The following ALOX5 variants were observed in gnomAD, a reference collection of about 807,000 sequenced individuals.
ALOX5 encodes polyunsaturated fatty acid 5-lipoxygenase.
ALOX5 carries 64 observed loss-of-function variants against 87.9 expected under a neutral mutation model. The observed-to-expected ratio is 0.73, with a 90% CI of 0.60 to 0.90. The LOEUF (loss-of-function observed/expected upper bound fraction) is 0.90, where lower values mean the gene tolerates loss of function less well. ALOX5 is among the 40% of genes least tolerant of loss of function. The pLI is 0.00. For synonymous variants in ALOX5, 388 were observed against 355.1 expected, an observed-to-expected ratio of 1.09 and a Z score of -1.04; for missense variants, 822 against 907.5, an observed-to-expected ratio of 0.91 and a Z score of 1.21.
At chr10:45,383,970 T>G (rs1839928583) in intron 2 of ALOX5, among the ~76,000 whole-genome samples, 2 of 152,146 alleles carry the variant, frequency 1.3e-5, no homozygotes, top group Non-Finnish European at 2.9e-5. Context: ...TATGAAGCCC[T>G]TCTTCCTGCA....
intron 2 of ALOX5, among the ~76,000 whole-genome samples, chr10:45,391,672 C>T (rs1340514449): frequency 1.3e-4 from 19 of 151,670 alleles, no homozygotes; most frequent in South Asian, 4.2e-4. Context: ...GGCCGCCCAT[C>T]GTCTGGGATG....
At chr10:45,381,314 G>A (rs146827800) in intron 1 of ALOX5, among the ~76,000 whole-genome samples, 3 of 152,384 alleles carry the variant, frequency 2.0e-5, no homozygotes, top group African/African-American at 7.2e-5. Context: ...GCTGTGAACT[G>A]CAAATGTCCC....
intron 7 of ALOX5, among the ~76,000 whole-genome samples, chr10:45,438,845 C>T (rs918866746): frequency 2.0e-5 from 3 of 152,218 alleles, no homozygotes; most frequent in African/African-American, 7.2e-5. Flanking sequence ...AACAGACAGG[C>T]ACGCCTAATG....
At chr10:45,390,252 A>T (rs551521889) in intron 2 of ALOX5, among the ~76,000 whole-genome samples, 1 of 152,368 alleles carries the variant, frequency 6.6e-6, no homozygotes, top group South Asian at 2.1e-4. Context: ...AGAGACTTTA[A>T]CACCCCACTG....
intron 6 of ALOX5, among the ~76,000 whole-genome samples, chr10:45,426,954 C>T (rs1158554020): frequency 6.6e-6 from 1 of 152,198 alleles, no homozygotes; most frequent in Non-Finnish European, 1.5e-5. Flanking sequence ...CTTAGGCCAT[C>T]CTCGGGCCTC....
At chr10:45,439,636 G>A (rs1432409544) in intron 7 of ALOX5, among the ~76,000 whole-genome samples, 6 of 152,340 alleles carry the variant, frequency 3.9e-5, no homozygotes, top group Admixed American at 1.3e-4. Context: ...GTGGGGGCAC[G>A]AAAGTGAGGC....
chr10:45,387,990 C>T (rs1840064080), intron 2 of ALOX5, among the ~76,000 whole-genome samples: 1 of 152,192 alleles, frequency 6.6e-6, no homozygotes, highest in South Asian at 2.1e-4. Context: ...GTGTGAGCAT[C>T]ACCTCACCTG....
chr10:45,405,427 A>G (rs1840843316), intron 3 of ALOX5, among the ~76,000 whole-genome samples: 1 of 152,188 alleles, frequency 6.6e-6, no homozygotes. Context: ...GCATCACTGC[A>G]TTGCCTATTT....
rs1161695683 is a variant in ALOX5, at chr10:45,395,935, C to T, written c.430C>T (p.Arg144Ter). 8.1e-6 allele frequency: 13 copies of T among 1,614,110 alleles called. No homozygotes were observed. The East Asian group carries it at 1.1e-4, about 14-fold the overall frequency. The change falls in exon 3 of 14, where the codon CGA (arginine) becomes TGA (stop). Residue 144 changes from arginine (R) to a stop codon, truncating the protein, a stop_gained and splice_region_variant. Coordinates refer to ENST00000374391, the MANE Select transcript of ALOX5 (RefSeq NM_000698.5). LOFTEE classifies it high-confidence loss of function. Reference protein sequence around the residue: ...KELETRQKQYRWMEWNPGFPL... With the variant: ...KELETRQKQY ...ACTGGAAACACGGCAAAAACAATATCGGTGAGTTATGACATCAGATCGAGT... is the reference window on the plus strand; with the variant it reads ...ACTGGAAACACGGCAAAAACAATATTGGTGAGTTATGACATCAGATCGAGT...
At chr10:45,409,633 C>G (rs1841001922) in intron 3 of ALOX5, among the ~76,000 whole-genome samples, 2 of 152,020 alleles carry the variant, frequency 1.3e-5, no homozygotes, top group South Asian at 2.1e-4. Flanking sequence ...TTCTCTCTCT[C>G]TCTCATTTTT....
At chr10:45,414,901 G>T (rs1262550757) in intron 4 of ALOX5, among the ~76,000 whole-genome samples, 1 of 152,216 alleles carries the variant, frequency 6.6e-6, no homozygotes, top group East Asian at 1.9e-4. Flanking sequence ...TCTTACACCA[G>T]TTAGAATGGC....
intron 2 of ALOX5, among the ~76,000 whole-genome samples, chr10:45,385,911 G>C (rs1279649545): frequency 6.6e-6 from 1 of 152,138 alleles, no homozygotes; most frequent in Non-Finnish European, 1.5e-5. Flanking sequence ...CTGCGTCCAG[G>C]TCTGCAATTA....
chr10:45,407,446 G>A (rs1438841808), intron 3 of ALOX5, among the ~76,000 whole-genome samples: 2 of 151,190 alleles, frequency 1.3e-5, no homozygotes, highest in African/African-American at 4.9e-5. Flanking sequence ...GACGAGACAA[G>A]TCTCAATCAT....
chr10:45,391,271 T>C (rs1305783203), intron 2 of ALOX5, among the ~76,000 whole-genome samples: 1 of 152,154 alleles, frequency 6.6e-6, no homozygotes. Context: ...TTTCATATTT[T>C]TTTGGTGGAG....
intron 2 of ALOX5, among the ~76,000 whole-genome samples, chr10:45,390,764 A>T (rs2132699754): frequency 6.6e-6 from 1 of 152,320 alleles, no homozygotes; most frequent in South Asian, 2.1e-4. Flanking sequence ...TGACACCCTA[A>T]CATCACAGTT....
chr10:45,382,759 T>C, intron 2 of ALOX5, 78 bp downstream of exon 2: 2 of 1,506,860 alleles, frequency 1.3e-6, no homozygotes, highest in Non-Finnish European at 1.8e-6. Context: ...ACTGTAGTCA[T>C]AGGAGGAATG....
At chr10:45,419,102 C>G (rs533375897) in intron 4 of ALOX5, among the ~76,000 whole-genome samples, 1 of 152,336 alleles carries the variant, frequency 6.6e-6, no homozygotes, top group Admixed American at 6.5e-5. Context: ...CAGTCTGTGC[C>G]GCAGTGTACG....
At chr10:45,382,939 G>A (rs918703720) in intron 2 of ALOX5, among the ~76,000 whole-genome samples, 4 of 152,250 alleles carry the variant, frequency 2.6e-5, no homozygotes, top group Admixed American at 1.3e-4. Context: ...TACAGGGGAG[G>A]GTTGTGCCCC....
intron 3 of ALOX5, among the ~76,000 whole-genome samples, chr10:45,402,252 C>T (rs959777268): frequency 3.9e-5 from 6 of 152,182 alleles, no homozygotes; most frequent in Non-Finnish European, 7.3e-5. Flanking sequence ...CTATGCCCAG[C>T]CACCCACTGC....
Sources: gnomAD v4.1 joint callset for allele counts (sites outside exome capture counted in the v4.1 genomes callset) on GRCh38, gnomAD v4.1.1 for gene constraint, MANE v1.5 for transcripts, NCBI Gene and HGNC (gene_info 2026-07-23, HGNC 2026-07-21) for gene names.